The following ADAMTSL1 variants were observed in gnomAD, a reference collection of about 807,000 sequenced individuals.
ADAMTSL1 encodes the protein ADAMTS like 1, also known as ADAMTS-like protein 1.
Under a neutral mutation model 201.8 loss-of-function variants are expected in ADAMTSL1, and 126 were observed. That is an observed-to-expected ratio of 0.62 (90% confidence interval 0.54 to 0.72). The LOEUF (loss-of-function observed/expected upper bound fraction) is 0.72, where lower values mean the gene tolerates loss of function less well. Ranked by LOEUF, ADAMTSL1 falls within the 30% of genes least tolerant of loss-of-function variation. The pLI is 0.00. For synonymous variants in ADAMTSL1, 1,121 were observed against 903.4 expected, an observed-to-expected ratio of 1.24 and a Z score of -4.32; for missense variants, 2,679 against 2,277.8, an observed-to-expected ratio of 1.18 and a Z score of -3.59.
intron 4 of ADAMTSL1, chr9:18,574,543 A>T: frequency 1.8e-6 from 1 of 559,004 alleles, no homozygotes; most frequent in South Asian, 2.6e-5. Context: ...ATTATGTACT[A>T]GACTTTGAAA....
chr9:18,674,084 A>G (rs1301961792), intron 9 of ADAMTSL1, among the ~76,000 whole-genome samples: 2 of 151,922 alleles, frequency 1.3e-5, no homozygotes, highest in Admixed American at 6.6e-5. Flanking sequence ...AAAACAGAAA[A>G]GGTTAAAGGC....
chr9:18,020,430 T>C (rs1586905196), intron 1 of ADAMTSL1, among the ~76,000 whole-genome samples: 2 of 152,136 alleles, frequency 1.3e-5, no homozygotes, highest in Middle Eastern at 3.4e-3. Flanking sequence ...CCAGCTACGG[T>C]GGGGGAAGCT....
At chr9:18,210,520 AAT>A (rs957281291) in intron 2 of ADAMTSL1, among the ~76,000 whole-genome samples, 100 of 138,016 alleles carry the variant, frequency 7.2e-4, no homozygotes, top group Admixed American at 1.9e-3. Flanking sequence ...TATATTAATA[AAT>A]ATATATATTA....
At chr9:18,297,966 T>C (rs1833539809) in intron 2 of ADAMTSL1, among the ~76,000 whole-genome samples, 1 of 152,224 alleles carries the variant, frequency 6.6e-6, no homozygotes, top group Non-Finnish European at 1.5e-5. Context: ...TCCCACGTCC[T>C]ATTTCACCTG....
intron 1 of ADAMTSL1, among the ~76,000 whole-genome samples, chr9:17,967,267 A>G (rs1196421220): frequency 6.6e-6 from 1 of 152,124 alleles, no homozygotes; most frequent in Non-Finnish European, 1.5e-5. Flanking sequence ...ACTTTCTGGA[A>G]AATTTATTTT....
chr9:18,101,429 C>T (rs557221878), intron 1 of ADAMTSL1, among the ~76,000 whole-genome samples: 4 of 150,466 alleles, frequency 2.7e-5, no homozygotes, highest in African/African-American at 7.4e-5. Flanking sequence ...ACCCAGGAGG[C>T]GGAGGTTGCA....
intron 2 of ADAMTSL1, among the ~76,000 whole-genome samples, chr9:18,242,649 G>A (rs900572103): frequency 2.6e-5 from 4 of 151,898 alleles, no homozygotes; most frequent in Non-Finnish European, 4.4e-5. Context: ...TAAATAAATT[G>A]ATGCACTAAA....
intron 1 of ADAMTSL1, 106 bp from the exon 2 acceptor site, chr9:18,504,723 A>G: frequency 1.3e-6 from 2 of 1,511,746 alleles, no homozygotes; most frequent in Admixed American, 3.5e-5. Flanking sequence ...TTTCATTCCT[A>G]GCAAAGCCAC....
In ADAMTSL1 at chr9:18,054,344, G is replaced by T. The variant is rs577342254; in HGVS notation, c.88-109518G>T. Among the ~76,000 whole-genome samples the T allele has an allele frequency of 3.9e-5, 6 of 152,240 alleles. No individual in the cohort carries two copies. The South Asian group carries it at 1.0e-3, about 26-fold the overall frequency. On this transcript the variant is annotated intron_variant, in intron 1 of 29. Coordinates refer to the ADAMTSL1 transcript ENST00000680146. ...TCCATTTCTAAGAGTTTATTGCAAA[G>T]AACTAATTAGAAAACTTTATTAAGT...
chr9:18,778,570 A>G (rs1821202103), intron 19 of ADAMTSL1, among the ~76,000 whole-genome samples: 1 of 152,238 alleles, frequency 6.6e-6, no homozygotes, highest in Non-Finnish European at 1.5e-5. Flanking sequence ...AGTAGAATTA[A>G]TAATATTTTT....
chr9:18,508,496 C>T (rs1002499983), intron 2 of ADAMTSL1, among the ~76,000 whole-genome samples: 1 of 152,110 alleles, frequency 6.6e-6, no homozygotes, highest in African/African-American at 2.4e-5. Context: ...GTGTAGTTGT[C>T]TTCATTATCT....
chr9:18,272,285 C>A lies in ADAMTSL1; in HGVS notation c.207+108304C>A, dbSNP rs148826839. ...TATAAACCAATGGAACAGAACAGAG[C>A]CCTCAGAAATAATACTACACATCTA... On this transcript the variant is annotated intron_variant, in intron 2 of 29. Coordinates refer to the ADAMTSL1 transcript ENST00000680146. 6.1e-3 allele frequency among the ~76,000 whole-genome samples: 923 copies of A among 152,152 alleles called. 4 individuals carry two copies. Among genetic ancestry groups the A allele is most frequent in the Middle Eastern group, 0.024 (7 of 294 alleles).
intron 2 of ADAMTSL1, among the ~76,000 whole-genome samples, chr9:18,408,581 C>T (rs1246328008): frequency 6.6e-6 from 1 of 152,180 alleles, no homozygotes; most frequent in African/African-American, 2.4e-5. Context: ...GTTCCCTGCT[C>T]TTCTAGAGCT....
chr9:18,557,079 A>C (rs1431370927), intron 3 of ADAMTSL1, among the ~76,000 whole-genome samples: 1 of 152,008 alleles, frequency 6.6e-6, no homozygotes, highest in Non-Finnish European at 1.5e-5. Flanking sequence ...TGTCCGTATG[A>C]ACCCTACTTC....
chr9:18,838,879 T>A (rs977503736), intron 23 of ADAMTSL1, among the ~76,000 whole-genome samples: 2 of 150,606 alleles, frequency 1.3e-5, no homozygotes, highest in African/African-American at 4.9e-5. Flanking sequence ...TGTCTCTTTT[T>A]TTTAAAAAAA....
intron 7 of ADAMTSL1, among the ~76,000 whole-genome samples, chr9:18,646,030 G>A (rs1439303583): frequency 2.6e-5 from 4 of 152,148 alleles, no homozygotes; most frequent in Admixed American, 6.5e-5. Context: ...AGCATAGAAT[G>A]TTCTTCCATT....
intron 2 of ADAMTSL1, among the ~76,000 whole-genome samples, chr9:18,180,883 C>G (rs1311732651): frequency 6.6e-6 from 1 of 152,174 alleles, no homozygotes; most frequent in Non-Finnish European, 1.5e-5. Flanking sequence ...TGACTTCAAA[C>G]TATACTACAA....
In ADAMTSL1 at chr9:18,721,583, C is replaced by A; in HGVS notation, c.1924C>A (p.Pro642Thr). Reference protein sequence around the residue: ...VSCLNKQTREPAEENLCVTSR... With the variant: ...VSCLNKQTRETAEENLCVTSR... ...CTGCTTGAACAAACAGACTCGGGAG[C>A]CTGCTGAGGAGAACCTGTGCGTGAC... is the stretch of plus-strand genomic sequence containing the variant. The change falls in exon 15 of 29, where the codon CCT (proline) becomes ACT (threonine). Residue 642 changes from proline (P) to threonine (T), a missense_variant. Pro to Thr is a conservative substitution (Grantham distance 38). Coordinates refer to ENST00000380548, the MANE Select transcript of ADAMTSL1 (RefSeq NM_001040272.6). 6.2e-7 allele frequency: 1 copy of A among 1,613,966 alleles called. No individual in the cohort carries two copies. The highest frequency in any genetic ancestry group is 8.5e-7 in the Non-Finnish European group (1 of 1,179,870).
At chr9:17,994,233 A>G (rs986536624) in intron 1 of ADAMTSL1, among the ~76,000 whole-genome samples, 41 of 152,070 alleles carry the variant, frequency 2.7e-4, no homozygotes, top group Non-Finnish European at 4.7e-4. Context: ...TTGGCTGTAA[A>G]TGGCTGGATG....
Sources: gnomAD v4.1 joint callset for allele counts (sites outside exome capture counted in the v4.1 genomes callset) on GRCh38, gnomAD v4.1.1 for gene constraint, MANE v1.5 for transcripts, NCBI Gene and HGNC (gene_info 2026-07-23, HGNC 2026-07-21) for gene names.